IL17RD: variants seen among roughly 807,000 people sequenced by gnomAD.
IL17RD encodes the protein interleukin-17 receptor D.
A neutral mutation model predicts 80.5 loss-of-function variants in IL17RD; 52 were observed. That is an observed-to-expected ratio of 0.65 (90% CI 0.52 to 0.81). The LOEUF is 0.81. IL17RD is among the 40% of genes least tolerant of loss of function. The pLI, the probability that IL17RD is intolerant of heterozygous loss-of-function variation, is 0.00. For missense variants in IL17RD, 1,024 were observed against 955.1 expected, an observed-to-expected ratio of 1.07 and a Z score of -0.95; for synonymous variants, 416 against 391.8, an observed-to-expected ratio of 1.06 and a Z score of -0.73.
At position 57,096,260 on chromosome 3, in the gene IL17RD, C is replaced by T. The variant is rs1039836487; in HGVS notation, c.*133G>A. 13 of 685,392 alleles carry T rather than the reference C, an allele frequency of 1.9e-5. No homozygotes were observed. The East Asian group carries it at 2.6e-4, about 14-fold the overall frequency. The allele number at this position is 685,392 out of a possible 1,614,324, so 42.5% of individuals were successfully genotyped here. ...GGGTTGGGGCAAGGGAGAACAAGTA[C>T]TGGCCAGCATTTCACTCCAAATATC... On this transcript the variant is annotated 3_prime_UTR_variant, in exon 13 of 13. Transcript: ENST00000296318.
intron 5 of IL17RD, 65 bp from the exon 6 acceptor site, chr3:57,106,219 A>C: frequency 1.7e-6 from 2 of 1,161,398 alleles, no homozygotes; most frequent in Non-Finnish European, 2.5e-6. Context: ...CTCTCCCAAC[A>C]ACCCAATGAA....
chr3:57,142,499 C>T (rs1184233876), intron 1 of IL17RD: 44 of 1,288,248 alleles, frequency 3.4e-5, no homozygotes, highest in East Asian at 5.6e-5. Flanking sequence ...GGCAGAAGCG[C>T]GTGGCATCCC....
chr3:57,146,665 G>C (rs948365311), intron 1 of IL17RD, among the ~76,000 whole-genome samples: 1 of 149,410 alleles, frequency 6.7e-6, no homozygotes, highest in Non-Finnish European at 1.5e-5. Context: ...CAGGAGAATC[G>C]CTTGAACCCA....
intron 1 of IL17RD, among the ~76,000 whole-genome samples, chr3:57,131,766 G>A (rs1330001258): frequency 2.6e-5 from 4 of 152,214 alleles, no homozygotes; most frequent in African/African-American, 9.6e-5. Flanking sequence ...GTATTTTCAG[G>A]AGGCTTCTGG....
At chr3:57,104,251 G>T in intron 8 of IL17RD, 91 bp downstream of exon 8, 1 of 872,866 alleles carries the variant, frequency 1.1e-6, no homozygotes, top group Non-Finnish European at 1.9e-6. Flanking sequence ...ACCTTCAATA[G>T]CTTGAAATTT....
intron 1 of IL17RD, among the ~76,000 whole-genome samples, chr3:57,147,939 C>G (rs1378585042): frequency 6.6e-6 from 1 of 152,082 alleles, no homozygotes; most frequent in African/African-American, 2.4e-5. Context: ...TTTGTAAAGG[C>G]AACACAAGGA....
intron 11 of IL17RD, among the ~76,000 whole-genome samples, chr3:57,099,343 A>G (rs1706774511): frequency 6.6e-6 from 1 of 152,230 alleles, no homozygotes; most frequent in Non-Finnish European, 1.5e-5. Context: ...CGTGGCTGAC[A>G]AAGGAGAGAA....
At chr3:57,143,385 G>A (rs901320308) in intron 1 of IL17RD, among the ~76,000 whole-genome samples, 1 of 152,198 alleles carries the variant, frequency 6.6e-6, no homozygotes, top group African/African-American at 2.4e-5. Flanking sequence ...CAAAGGCTAC[G>A]TCATTCTCAT....
intron 4 of IL17RD, 130 bp downstream of exon 4, chr3:57,110,063 T>C: frequency 9.8e-7 from 1 of 1,025,096 alleles, no homozygotes; most frequent in Non-Finnish European, 1.4e-6. Flanking sequence ...TGCTGTACCA[T>C]TCTTGCCCAC....
rs772159046 is a variant in IL17RD, at chr3:57,097,759, G to C, written c.1944C>G (p.His648Gln). Residue 648 changes from histidine to glutamine, a missense_variant, in exon 12 of 13, where the codon CAC (histidine) becomes CAG (glutamine). His to Gln is a conservative substitution (Grantham distance 24, BLOSUM62 0). Transcript: ENST00000296318. ...DGSAALQPLLHTVKAGSPSDM... is the reference protein window; with the variant it reads ...DGSAALQPLLQTVKAGSPSDM... ...CCGAGGGGCTGCCGGCTTTCACCGT[G>C]TGCAGCAGGGGTTGCAGGGCGGCGC... The C allele has an allele frequency of 1.2e-6, 2 of 1,603,596 alleles. No homozygotes were observed. The highest frequency in any genetic ancestry group is 1.7e-6 in the Non-Finnish European group (2 of 1,174,356).
At chr3:57,140,288 AC>A (rs1707805005) in intron 1 of IL17RD, among the ~76,000 whole-genome samples, 1 of 152,208 alleles carries the variant, frequency 6.6e-6, no homozygotes, top group African/African-American at 2.4e-5. Flanking sequence ...TGTAGAGACT[AC>A]CCACACTGAA....
intron 1 of IL17RD, among the ~76,000 whole-genome samples, chr3:57,126,307 CT>C (rs773963820): frequency 1.7e-4 from 26 of 152,178 alleles, no homozygotes; most frequent in Non-Finnish European, 3.7e-4. Context: ...TATGAAATTC[CT>C]TTGGTTGGTG....
chr3:57,141,170 G>A (rs13078079), intron 1 of IL17RD, among the ~76,000 whole-genome samples: 4,202 of 152,132 alleles, frequency 0.028, 79 homozygotes, highest in Middle Eastern at 0.054. Context: ...CCAATGTGTC[G>A]GGATTACAGA....
intron 7 of IL17RD, among the ~76,000 whole-genome samples, chr3:57,105,552 A>AAAAAAAAAAAAAAAT: frequency 0.061 from 3,811 of 62,892 alleles, 548 homozygotes; most frequent in Non-Finnish European, 0.086. Flanking sequence ...AAAAAAAAAA[A>AAAAAAAAAAAAAAAT]ATATATATAT....
At chr3:57,159,630 C>T (rs1203530323) in intron 1 of IL17RD, among the ~76,000 whole-genome samples, 1 of 152,094 alleles carries the variant, frequency 6.6e-6, no homozygotes, top group African/African-American at 2.4e-5. Context: ...CCTGTAGCTC[C>T]AGCACAGACA....
chr3:57,098,493 G>T lies in IL17RD; in HGVS notation c.1210C>A (p.Gln404Lys). 1 of 1,613,226 alleles carries T rather than the reference G, an allele frequency of 6.2e-7. No individual in the cohort carries two copies. Among genetic ancestry groups the T allele is most frequent in the Non-Finnish European group, 8.5e-7 (1 of 1,179,436 alleles). The change falls in exon 12 of 13, where the codon CAG becomes AAG. Residue 404 changes from glutamine (Q) to lysine (K), a missense_variant. Physicochemically the swap from Gln to Lys is moderately conservative, Grantham distance 53. Transcript: ENST00000296318. ...WEDFSLCREGQREWVIQKIHE... is the reference protein window; with the variant it reads ...WEDFSLCREGKREWVIQKIHE... ...ATCTTCTGGATGACCCATTCTCTCT[G>T]CCCTTCTCTACAGAGGCTGAAGTCT... is the stretch of plus-strand genomic sequence containing the variant.
At chr3:57,128,628 T>G (rs879941098) in intron 1 of IL17RD, among the ~76,000 whole-genome samples, 4 of 150,828 alleles carry the variant, frequency 2.7e-5, no homozygotes, top group Non-Finnish European at 4.4e-5. Flanking sequence ...GACATTGGTG[T>G]GAGTTGTTTC....
intron 1 of IL17RD, among the ~76,000 whole-genome samples, chr3:57,148,324 CAAA>C (rs34343372): frequency 1.9e-5 from 2 of 104,048 alleles, no homozygotes; most frequent in Admixed American, 1.1e-4. Context: ...GACTCTATCT[CAAA>C]AAAAAAAAAA....
intron 1 of IL17RD, among the ~76,000 whole-genome samples, chr3:57,158,289 A>C (rs1370335974): frequency 6.6e-6 from 1 of 152,232 alleles, no homozygotes; most frequent in Non-Finnish European, 1.5e-5. Context: ...ACAATTTACT[A>C]AGCTTCCAAT....
Sources: allele counts gnomAD v4.1 joint callset (sites outside exome capture counted in the v4.1 genomes callset), GRCh38; gene constraint gnomAD v4.1.1; transcripts MANE v1.5; gene names NCBI Gene and HGNC (gene_info 2026-07-23, HGNC 2026-07-21).